The following PRR5L variants were observed in gnomAD, a reference collection of about 807,000 sequenced individuals.
The protein encoded by PRR5L is proline rich 5 like, also known as proline-rich protein 5-like.
PRR5L carries 21 observed loss-of-function variants against 36.4 expected under a neutral mutation model. The observed-to-expected ratio is 0.58, with a 90% CI of 0.41 to 0.83. The LOEUF (loss-of-function observed/expected upper bound fraction) is 0.83, where lower values mean the gene tolerates loss of function less well. Ranked by LOEUF, PRR5L falls within the 40% of genes least tolerant of loss-of-function variation. The pLI, the probability that PRR5L is intolerant of heterozygous loss-of-function variation, is 0.00. For missense variants in PRR5L, 381 were observed against 473.3 expected, an observed-to-expected ratio of 0.80 and a Z score of 1.81; for synonymous variants, 188 against 197.0, an observed-to-expected ratio of 0.95 and a Z score of 0.38.
intron 1 of PRR5L, among the ~76,000 whole-genome samples, chr11:36,337,050 G>A (rs1856775642): frequency 6.6e-6 from 1 of 152,128 alleles, no homozygotes. Context: ...AGATGAAGAA[G>A]AAACCAAGAC....
rs987773261 is a variant in PRR5L, at chr11:36,449,948, G to A, written c.586-1261G>A. Among the ~76,000 whole-genome samples the A allele has an allele frequency of 3.3e-5, 5 of 152,082 alleles. No individual in the cohort carries two copies. In the East Asian group the frequency reaches 5.8e-4, roughly 18 times the overall value. On this transcript the variant is annotated intron_variant, in intron 7 of 8. Coordinates refer to ENST00000530639, the MANE Select transcript of PRR5L (RefSeq NM_001160167.2). ...CCTGTTTAGCAGGTATGGAAGGTTT[G>A]GGGGAGAAGCCACTCATTTTCTCTG...
chr11:36,433,788 C>T (rs775677725), intron 5 of PRR5L, among the ~76,000 whole-genome samples: 2 of 152,166 alleles, frequency 1.3e-5, no homozygotes. Context: ...AAATGATCCA[C>T]CGCCTTGGCC....
At chr11:36,380,939 G>A (rs1309433516) in intron 1 of PRR5L, among the ~76,000 whole-genome samples, 2 of 152,174 alleles carry the variant, frequency 1.3e-5, no homozygotes, top group African/African-American at 4.8e-5. Flanking sequence ...AAATCCATCT[G>A]ACCGTGGCCT....
intron 3 of PRR5L, 69 bp downstream of exon 3, chr11:36,403,447 C>T: frequency 3.5e-6 from 4 of 1,151,266 alleles, no homozygotes; most frequent in Non-Finnish European, 5.1e-6. Flanking sequence ...GGGCTACCGC[C>T]TTAGGAGCCT....
Position 36,377,467 on chromosome 11 carries a change from G to GCTCTAGGGGCCC in PRR5L, c.-125-23528_-125-23517dup, listed in dbSNP as rs1857287328. On this transcript the variant is annotated intron_variant, in intron 1 of 8. Transcript: ENST00000530639. The surrounding 1 kb of genome is among the most constrained non-coding windows in gnomAD (Gnocchi z 5.1). ...GCCGGGCTCGCTGCACGCAGGGGGC[G>GCTCTAGGGGCCC]CTCTAGGGGCCCCGCCCGGGCAGCT... The GCTCTAGGGGCCC allele has an allele frequency of 6.6e-6, 1 of 152,260 alleles. No homozygotes were observed. Among genetic ancestry groups the GCTCTAGGGGCCC allele is most frequent in the Admixed American group, 6.5e-5 (1 of 15,290 alleles). The allele number at this position is 152,260 out of a possible 1,614,324, so 9.4% of individuals were successfully genotyped here.
At chr11:36,380,740 A>G (rs1349422980) in intron 1 of PRR5L, among the ~76,000 whole-genome samples, 2 of 152,216 alleles carry the variant, frequency 1.3e-5, no homozygotes, top group African/African-American at 4.8e-5. Context: ...CAGCTGTAAC[A>G]TATTCTGAGA....
At chr11:36,391,857 T>C (rs1857569632) in intron 1 of PRR5L, among the ~76,000 whole-genome samples, 1 of 152,246 alleles carries the variant, frequency 6.6e-6, no homozygotes, top group Admixed American at 6.5e-5. Flanking sequence ...TTAGTTATTT[T>C]AAAATATAGT....
chr11:36,389,134 A>G (rs1229760883), intron 1 of PRR5L, among the ~76,000 whole-genome samples: 1 of 152,132 alleles, frequency 6.6e-6, no homozygotes, highest in East Asian at 1.9e-4. Flanking sequence ...GTAAAAACCC[A>G]TGTTACATAA....
At chr11:36,411,925 G>A (rs921337033) in intron 3 of PRR5L, among the ~76,000 whole-genome samples, 2 of 152,178 alleles carry the variant, frequency 1.3e-5, no homozygotes, top group African/African-American at 2.4e-5. Context: ...AAGACCCAGG[G>A]CTTCAGAGTC....
intron 1 of PRR5L, among the ~76,000 whole-genome samples, chr11:36,370,971 C>A (rs779563193): frequency 1.3e-5 from 2 of 151,544 alleles, no homozygotes; most frequent in African/African-American, 4.8e-5. Flanking sequence ...CACCAAATTT[C>A]TTTTTTCCCT....
chr11:36,334,317 A>G (rs947729594), intron 1 of PRR5L, among the ~76,000 whole-genome samples: 3 of 152,216 alleles, frequency 2.0e-5, no homozygotes, highest in African/African-American at 7.2e-5. Context: ...GGTTTTCAAA[A>G]TGTACATCTG....
chr11:36,325,667 G>GC (rs1389178286), intron 1 of PRR5L, among the ~76,000 whole-genome samples: 1 of 152,162 alleles, frequency 6.6e-6, no homozygotes, highest in Admixed American at 6.5e-5. Flanking sequence ...TGAGTTGCAA[G>GC]CCCCCTGTTT....
At chr11:36,427,462 T>C (rs1301397793) in intron 4 of PRR5L, among the ~76,000 whole-genome samples, 2 of 152,134 alleles carry the variant, frequency 1.3e-5, no homozygotes, top group African/African-American at 4.8e-5. Context: ...CCAGCTCTGT[T>C]ACCATACAGC....
chr11:36,328,850 C>T (rs1219115362), intron 1 of PRR5L, among the ~76,000 whole-genome samples: 2 of 152,160 alleles, frequency 1.3e-5, no homozygotes, highest in African/African-American at 2.4e-5. Context: ...TCTTCATTCC[C>T]TCATCTGAAA....
At chr11:36,355,652 T>G (rs1357948376) in intron 1 of PRR5L, among the ~76,000 whole-genome samples, 1 of 150,870 alleles carries the variant, frequency 6.6e-6, no homozygotes, top group Non-Finnish European at 1.5e-5. Context: ...TGGGTTCAAG[T>G]GATTCTCCAG....
In PRR5L at chr11:36,346,877, A is replaced by G. The variant is rs773208208; in HGVS notation, c.-126+50439A>G. ...GTAAATATTGTAGGCTTTGTGGGCC[A>G]TACAGTTTTTGCTACAACTACTCAG... On this transcript the variant is annotated intron_variant, in intron 1 of 8. Transcript: ENST00000530639. Among the ~76,000 whole-genome samples the G allele has an allele frequency of 2.2e-4, 34 of 152,216 alleles. 1 individual carries two copies. The highest frequency in any genetic ancestry group is 3.7e-4 in the Non-Finnish European group (25 of 68,038).
At chr11:36,400,240 C>T (rs1030480682) in intron 1 of PRR5L, among the ~76,000 whole-genome samples, 8 of 152,200 alleles carry the variant, frequency 5.3e-5, no homozygotes, top group East Asian at 1.9e-4. Context: ...GCGAGCTCCA[C>T]GGGGCAGGGC....
rs556920405 is a variant in PRR5L at position 36,405,758 on chromosome 11, T to C, written c.245+2380T>C. Among the ~76,000 whole-genome samples, 6 of 152,300 alleles carry C rather than the reference T, an allele frequency of 3.9e-5. No individual in the cohort carries two copies. In the East Asian group the frequency reaches 1.2e-3, roughly 29 times the overall value. ...TCTCAATGTCCTGGAGGCTGGGAAG[T>C]CCAAGATCAAGGTGCCGGTCATTTA... On this transcript the variant is annotated intron_variant, in intron 3 of 8. Coordinates refer to ENST00000530639, the MANE Select transcript of PRR5L (RefSeq NM_001160167.2).
intron 1 of PRR5L, among the ~76,000 whole-genome samples, chr11:36,373,822 T>C (rs1477305190): frequency 6.6e-6 from 1 of 152,176 alleles, no homozygotes; most frequent in African/African-American, 2.4e-5. Context: ...TTTTTCTTAT[T>C]GCACAATGCC....
Sources: allele counts gnomAD v4.1 joint callset (sites outside exome capture counted in the v4.1 genomes callset), GRCh38; gene constraint gnomAD v4.1.1; non-coding constraint Gnocchi (gnomAD v3.1); transcripts MANE v1.5; gene names NCBI Gene and HGNC (gene_info 2026-07-23, HGNC 2026-07-21).